The following RABGAP1L variants were observed in gnomAD, a reference collection of about 807,000 sequenced individuals.
RABGAP1L encodes rab GTPase-activating protein 1-like.
In RABGAP1L, 63 loss-of-function variants were observed where a neutral mutation model predicts 137.7. That is an observed-to-expected ratio of 0.46 (90% CI 0.37 to 0.56). The LOEUF is 0.56. Among genes scored for constraint, RABGAP1L ranks in the 20% least tolerant of loss-of-function variants. The pLI is 0.00. For synonymous variants in RABGAP1L, 431 were observed against 433.7 expected, an observed-to-expected ratio of 0.99 and a Z score of 0.08; for missense variants, 1,095 against 1,244.0, an observed-to-expected ratio of 0.88 and a Z score of 1.80.
chr1:174,321,260 G>A (rs766261035), intron 11 of RABGAP1L, among the ~76,000 whole-genome samples: 2 of 152,132 alleles, frequency 1.3e-5, no homozygotes, highest in Non-Finnish European at 2.9e-5. Context: ...GTGCCCAGTG[G>A]GGCATGAAAC....
At chr1:174,802,009 G>C (rs550720989) in intron 18 of RABGAP1L, among the ~76,000 whole-genome samples, 1 of 152,134 alleles carries the variant, frequency 6.6e-6, no homozygotes, top group African/African-American at 2.4e-5. Flanking sequence ...TACATTTTCA[G>C]TGTTTTGAAG....
At chr1:174,545,558 A>AG (rs61368684) in intron 13 of RABGAP1L, 152,458 of 152,458 alleles carry the variant, frequency 1, 76,229 homozygotes, top group Non-Finnish European at 1. Flanking sequence ...TTCCCAGGTG[A>AG]GCAATGCCCC....
chr1:174,216,910 C>T lies in RABGAP1L; in HGVS notation c.-33-2215C>T, dbSNP rs889135289. ...TTTTCATGTAATCTAATTTATTTTC[C>T]GAAAAAAAATTAAATAAATTGGCAG... On this transcript the variant is annotated intron_variant, in intron 1 of 25. Coordinates refer to ENST00000681986, the MANE Select transcript of RABGAP1L (RefSeq NM_001366446.1). 8.1e-5 allele frequency among the ~76,000 whole-genome samples: 12 copies of T among 148,980 alleles called. No homozygotes were observed. The South Asian group carries it at 1.3e-3, about 16-fold the overall frequency.
chr1:174,840,613 A>G (rs1295654188), intron 19 of RABGAP1L, among the ~76,000 whole-genome samples: 1 of 144,044 alleles, frequency 6.9e-6, no homozygotes, highest in African/African-American at 2.5e-5. Flanking sequence ...GGAGCTCAAA[A>G]CCCTGTCTCT....
chr1:174,177,432 C>T (rs1665979329), intron 1 of RABGAP1L, among the ~76,000 whole-genome samples: 1 of 152,120 alleles, frequency 6.6e-6, no homozygotes, highest in African/African-American at 2.4e-5. Context: ...CTGTAGGTTG[C>T]CTATTCACTC....
At chr1:174,574,752 A>T (rs888377738) in intron 13 of RABGAP1L, among the ~76,000 whole-genome samples, 2 of 152,158 alleles carry the variant, frequency 1.3e-5, no homozygotes, top group East Asian at 3.8e-4. Flanking sequence ...CTGATTGGCC[A>T]TTTAATTTTG....
chr1:174,176,893 A>C (rs1665935884), intron 1 of RABGAP1L, among the ~76,000 whole-genome samples: 2 of 151,594 alleles, frequency 1.3e-5, no homozygotes, highest in South Asian at 4.2e-4. Flanking sequence ...AGTCTGACCA[A>C]CATGGTGAAA....
intron 12 of RABGAP1L, among the ~76,000 whole-genome samples, chr1:174,384,508 CAAAAAAAAG>C (rs1686568808): frequency 7.3e-5 from 8 of 110,306 alleles, no homozygotes; most frequent in African/African-American, 2.2e-4. Context: ...GTCACTAAAC[CAAAAAAAAG>C]GAAAAAAAGG....
At chr1:174,344,836 TGGG>T (rs1445665721) in intron 11 of RABGAP1L, among the ~76,000 whole-genome samples, 1 of 152,220 alleles carries the variant, frequency 6.6e-6, no homozygotes, top group Non-Finnish European at 1.5e-5. Flanking sequence ...CCTGTGCTTC[TGGG>T]GGTATTACTC....
chr1:174,609,565 T>A (rs924726173), intron 13 of RABGAP1L, among the ~76,000 whole-genome samples: 1 of 152,184 alleles, frequency 6.6e-6, no homozygotes, highest in Non-Finnish European at 1.5e-5. Context: ...AACCTGAGCC[T>A]GTTAAGCACT....
chr1:174,622,112 A>T (rs949906995), intron 13 of RABGAP1L, among the ~76,000 whole-genome samples: 13 of 152,264 alleles, frequency 8.5e-5, no homozygotes, highest in African/African-American at 3.1e-4. Context: ...AATGCTCATC[A>T]TCACTGGCCA....
intron 12 of RABGAP1L, among the ~76,000 whole-genome samples, chr1:174,384,887 A>C (rs1686616902): frequency 6.6e-6 from 1 of 152,200 alleles, no homozygotes; most frequent in Non-Finnish European, 1.5e-5. Context: ...TTTGGTAATT[A>C]ATTATCTTGT....
In RABGAP1L at chr1:174,811,829, C is replaced by T. The variant is rs879124885; in HGVS notation, c.2212-3C>T. Reference sequence around the variant, plus strand: ...ATGACGATTCTTGATGATTATTTTGCAGACCTCAAAGGAAGACCTTCTGCA... The same window carrying T: ...ATGACGATTCTTGATGATTATTTTGTAGACCTCAAAGGAAGACCTTCTGCA... On this transcript the variant is annotated splice_polypyrimidine_tract_variant and splice_region_variant and intron_variant, in intron 18 of 25. Transcript: ENST00000681986. 1 of 1,551,754 alleles carries T rather than the reference C, an allele frequency of 6.4e-7. No homozygotes were observed. Among genetic ancestry groups the T allele is most frequent in the Admixed American group, 2.0e-5 (1 of 50,540 alleles).
chr1:174,691,143 A>G (rs891003082), intron 15 of RABGAP1L, among the ~76,000 whole-genome samples: 2 of 152,108 alleles, frequency 1.3e-5, no homozygotes, highest in African/African-American at 4.8e-5. Flanking sequence ...ATTTTTGTTG[A>G]AGAAAATTGG....
intron 17 of RABGAP1L, among the ~76,000 whole-genome samples, chr1:174,735,754 G>C (rs332789): frequency 0.6 from 90,425 of 151,868 alleles, 29,790 homozygotes; most frequent in African/African-American, 0.9. Context: ...CCACAGGAAA[G>C]TTTCAATCAT....
intron 11 of RABGAP1L, among the ~76,000 whole-genome samples, chr1:174,320,702 A>G (rs1679880743): frequency 1.3e-5 from 2 of 152,242 alleles, no homozygotes; most frequent in South Asian, 4.1e-4. Context: ...GACATTTATC[A>G]CTTCCCCAGT....
At chr1:174,849,949 C>A in intron 19 of RABGAP1L, 1 of 697,546 alleles carries the variant, frequency 1.4e-6, no homozygotes, top group Non-Finnish European at 2.5e-6. Flanking sequence ...GACACAGGAT[C>A]TTTGGAATCA....
chr1:174,682,096 C>G (rs1678103908), intron 14 of RABGAP1L, among the ~76,000 whole-genome samples: 1 of 152,078 alleles, frequency 6.6e-6, no homozygotes, highest in Non-Finnish European at 1.5e-5. Flanking sequence ...GCCTGGCCAA[C>G]ATGGTGAAAC....
At chr1:174,512,372 G>A (rs757512680) in intron 13 of RABGAP1L, among the ~76,000 whole-genome samples, 1 of 152,074 alleles carries the variant, frequency 6.6e-6, no homozygotes, top group Non-Finnish European at 1.5e-5. Context: ...ACATGTTCTT[G>A]TTATATATTT....
Sources: allele counts gnomAD v4.1 joint callset (sites outside exome capture counted in the v4.1 genomes callset), GRCh38; gene constraint gnomAD v4.1.1; transcripts MANE v1.5; gene names NCBI Gene and HGNC (gene_info 2026-07-23, HGNC 2026-07-21).